Variants in XBP1 observed in about 807,000 individuals in gnomAD.
XBP1 encodes X-box binding protein 1.
A neutral mutation model predicts 34.6 loss-of-function variants in XBP1; 18 were observed. The ratio of observed to expected loss-of-function variants is 0.52; its 90% CI spans 0.36 to 0.77. The LOEUF (loss-of-function observed/expected upper bound fraction) is 0.77. Among genes scored for constraint, XBP1 ranks in the 30% least tolerant of loss-of-function variants. The probability of loss-of-function intolerance (pLI) is 0.00; values close to 1 mark genes in which losing one functional copy is unlikely to be tolerated. For synonymous variants in XBP1, 191 were observed against 193.4 expected (o/e 0.99, Z 0.11); for missense variants, 422 against 464.6 (o/e 0.91, Z 0.84).
At chr22:28,799,214 G>A (rs1330034563) in intron 1 of XBP1, 61 bp from the exon 2 acceptor site, 1 of 1,357,154 alleles carries the variant, frequency 7.4e-7, no homozygotes, top group African/African-American at 1.5e-5. Context: ...GTCTTTATTT[G>A]AAAACTTTAC....
chr22:28,797,828 AAT>A (rs1037110298), intron 2 of XBP1, among the ~76,000 whole-genome samples: 14 of 151,456 alleles, frequency 9.2e-5, no homozygotes, highest in African/African-American at 3.4e-4. Context: ...ATAAAATAAA[AAT>A]AAATAACTAT....
intron 1 of XBP1, 40 bp downstream of exon 1, chr22:28,800,258 C>T: frequency 1.3e-6 from 2 of 1,545,652 alleles, no homozygotes; most frequent in Non-Finnish European, 1.7e-6. Flanking sequence ...TCCCTAGTCC[C>T]GGCTTCAGAT....
exon 6 of XBP1, chr22:28,795,372 G>C: frequency 6.4e-7 from 1 of 1,552,680 alleles, no homozygotes. Context: ...CCCAGCTCCG[G>C]AACGAGGTCA....
intron 2 of XBP1, 143 bp downstream of exon 2, chr22:28,798,914 C>T (rs2031806299): frequency 3.1e-6 from 2 of 652,894 alleles, no homozygotes; most frequent in Non-Finnish European, 2.6e-6. Context: ...AGCCACCATG[C>T]CCAGCCTAGT....
upstream of XBP1, chr22:28,800,553 C>T: frequency 1.4e-6 from 2 of 1,469,246 alleles, no homozygotes; most frequent in Non-Finnish European, 1.8e-6. Context: ...GCGCACCGCG[C>T]GCCGCAGCCG....
Position 28,795,558 on chromosome 22 carries a change from T to TATTA in XBP1, c.747_748insTAAT (p.Ile250Ter). On this transcript the variant is annotated stop_gained and frameshift_variant, in exon 6 of 6. Transcript: ENST00000344347. LOFTEE classifies it high-confidence loss of function. Reference sequence around the variant, plus strand: ...TGGTCAAAACGAATTAGTTCATTAATGGCTTCCAGCTTGGCTGATGACGTC... The same window carrying TATTA: ...TGGTCAAAACGAATTAGTTCATTAATATTAGGCTTCCAGCTTGGCTGATGACGTC... 6.2e-7 allele frequency: 1 copy of TATTA among 1,614,200 alleles called. No homozygotes were observed. The highest frequency in any genetic ancestry group is 8.5e-7 in the Non-Finnish European group (1 of 1,180,030).
intron 1 of XBP1, chr22:28,799,923 T>C: frequency 1.3e-6 from 1 of 775,140 alleles, no homozygotes; most frequent in Admixed American, 1.7e-5. Context: ...TCCGCGCCTC[T>C]CCAGAAATAG....
At chr22:28,800,547 A>G (rs773731131), upstream of XBP1, 3 of 1,472,354 alleles carry the variant, frequency 2.0e-6, no homozygotes, top group Admixed American at 5.1e-5. Flanking sequence ...CGCACCGCGC[A>G]CCGCGCGCCG....
Position 28,800,480 on chromosome 22 carries a change from A to AG in XBP1, c.44dup (p.Lys16Ter), listed in dbSNP as rs1330154815. The AG allele has an allele frequency of 2.0e-6, 3 of 1,485,626 alleles. No homozygotes were observed. Among genetic ancestry groups the AG allele is most frequent in the African/African-American group, 1.5e-5 (1 of 67,908 alleles). The allele number at this position is 1,485,626 out of a possible 1,614,324, so 92.0% of individuals were successfully genotyped here. A position where few individuals can be genotyped will look rare whatever the true frequency, so the allele number is the denominator to read the frequency against. On this transcript the variant is annotated frameshift_variant, in exon 1 of 6. Transcript: ENST00000344347. LOFTEE classifies it high-confidence loss of function. ...GCTGCCCCGACAGAAGCAGAACTTT[A>AG]GGGGTCCCGTCGGCCGGGTTCGGCG...
At chr22:28,796,379 T>C in intron 3 of XBP1, 187 bp from the exon 4 acceptor site, 1 of 497,400 alleles carries the variant, frequency 2.0e-6, no homozygotes. Context: ...TTGCCAGTTC[T>C]GCTTGAATCT....
chr22:28,799,853 G>T (rs2031833062), intron 1 of XBP1: 2 of 668,304 alleles, frequency 3.0e-6, no homozygotes, highest in Non-Finnish European at 5.5e-6. Context: ...CGCAGATACT[G>T]AGCTAGACCA....
chr22:28,800,481 G>A lies in XBP1; in HGVS notation c.44C>T (p.Pro15Leu), dbSNP rs570172086. Reference sequence around the variant, plus strand: ...CTGCCCCGACAGAAGCAGAACTTTAGGGGTCCCGTCGGCCGGGTTCGGCGC... The same window carrying A: ...CTGCCCCGACAGAAGCAGAACTTTAAGGGTCCCGTCGGCCGGGTTCGGCGC... The change falls in exon 1 of 6, where the codon CCT (proline) becomes CTT (leucine). Residue 15 changes from proline to leucine, a missense_variant. Around this residue, in one of 3 missense-constraint regions of XBP1, gnomAD observed 121 missense variants for 98.4 expected, o/e 1.23. Transcript: ENST00000344347. 3.8e-3 allele frequency: 5,684 copies of A among 1,486,008 alleles called. 11 individuals are homozygous for A. The highest frequency in any genetic ancestry group is 4.3e-3 in the Non-Finnish European group (4,844 of 1,127,388). The allele number at this position is 1,486,008 out of a possible 1,614,324, so 92.1% of individuals were successfully genotyped here.
chr22:28,796,254 A>C (rs2031750569), intron 3 of XBP1, 62 bp from the exon 4 acceptor site: 1 of 1,445,476 alleles, frequency 6.9e-7, no homozygotes, highest in South Asian at 1.5e-5. Context: ...CTTGCTAGAC[A>C]GCTGTGATTC....
At chr22:28,798,768 CT>C (rs71196604) in intron 2 of XBP1, 542 of 125,276 alleles carry the variant, frequency 4.3e-3, no homozygotes, top group South Asian at 0.012. Context: ...CACGCTTGGC[CT>C]TTTTTTTTTT....
intron 1 of XBP1, chr22:28,799,860 A>G: frequency 1.5e-6 from 1 of 681,162 alleles, no homozygotes; most frequent in Non-Finnish European, 2.7e-6. Context: ...ACTGAGCTAG[A>G]CCAGTGAGCC....
intron 3 of XBP1, 109 bp from the exon 4 acceptor site, chr22:28,796,301 G>C (rs2031752127): frequency 1.9e-6 from 2 of 1,079,192 alleles, no homozygotes; most frequent in Non-Finnish European, 2.6e-6. Flanking sequence ...AAGATTCTAG[G>C]GTTAAATTGC....
intron 2 of XBP1, 194 bp downstream of exon 2, chr22:28,798,863 T>A (rs2031805158): frequency 2.4e-6 from 1 of 412,912 alleles, no homozygotes; most frequent in Admixed American, 3.8e-5. Context: ...TCAAGTGATC[T>A]GCCCAACTCA....
chr22:28,795,807 G>A (rs1298625713), intron 5 of XBP1, 75 bp from the exon 6 acceptor site: 3 of 1,444,052 alleles, frequency 2.1e-6, no homozygotes, highest in South Asian at 1.4e-5. Flanking sequence ...ACTTTGTACT[G>A]GGTTCCATAA....
At chr22:28,798,937 C>G in intron 2 of XBP1, 120 bp downstream of exon 2, 1 of 766,938 alleles carries the variant, frequency 1.3e-6, no homozygotes, top group East Asian at 2.7e-5. Flanking sequence ...AACTTTTAAT[C>G]ATATATTCAA....
Sources: gnomAD v4.1 joint callset for allele counts (sites outside exome capture counted in the v4.1 genomes callset) on GRCh38, gnomAD v4.1.1 for gene constraint, gnomAD v4.1.1 regional missense constraint, MANE v1.5 for transcripts, NCBI Gene and HGNC (gene_info 2026-07-23, HGNC 2026-07-21) for gene names.